Variants in CDH23 observed in about 807,000 individuals in gnomAD.
The protein encoded by CDH23 is cadherin related 23.
A neutral mutation model predicts 317.1 loss-of-function variants in CDH23; 189 were observed. That is an observed-to-expected ratio of 0.60 (90% CI 0.53 to 0.67). The LOEUF (loss-of-function observed/expected upper bound fraction) is 0.67. Among genes scored for constraint, CDH23 ranks in the 30% least tolerant of loss-of-function variants. The probability of loss-of-function intolerance (pLI) is 0.00; values close to 1 mark genes in which losing one functional copy is unlikely to be tolerated. For missense variants in CDH23, 4,401 were observed against 4,592.4 expected (o/e 0.96, Z 1.20); for synonymous variants, 1,839 against 1,876.8 (o/e 0.98, Z 0.52).
chr10:71,750,946 A>G (rs1466177915), intron 38 of CDH23: 2 of 330,632 alleles, frequency 6.0e-6, no homozygotes, highest in Non-Finnish European at 1.1e-5. Context: ...GAGCTGCTGA[A>G]GGGCTGGACG....
At chr10:71,653,292 C>T (rs1467762585) in intron 14 of CDH23, among the ~76,000 whole-genome samples, 1 of 152,154 alleles carries the variant, frequency 6.6e-6, no homozygotes, top group East Asian at 1.9e-4. Flanking sequence ...CCTGGGCTGG[C>T]CGTGTTGAAG....
Position 71,789,027 on chromosome 10 carries a change from G to A in CDH23, c.5908G>A (p.Glu1970Lys), listed in dbSNP as rs2132945762. The A allele has an allele frequency of 6.4e-7, 1 of 1,569,924 alleles. No homozygotes were observed. The highest frequency in any genetic ancestry group is 8.8e-7 in the Non-Finnish European group (1 of 1,139,848). ...TKSTYQAEVM[E>K]NSPAGTPLTV... ...AAGCACCTACCAGGCAGAGGTGATG[G>A]AAAACTCTCCCGCTGGTAGGTGCTG... The change falls in exon 45 of 70, where the codon GAA (glutamate) becomes AAA (lysine). Residue 1970 changes from glutamate to lysine, a missense_variant. This residue lies in a region of CDH23 where 3,068 missense variants were observed against 3,203.3 expected (regional missense o/e 0.96). Transcript: ENST00000224721.
At chr10:71,715,916 G>A in intron 28 of CDH23, 2 of 1,447,056 alleles carry the variant, frequency 1.4e-6, no homozygotes, top group Non-Finnish European at 1.8e-6. Flanking sequence ...GGATGTGGGG[G>A]CATGTTTGTG....
chr10:71,436,114 G>A (rs544236732), intron 1 of CDH23, among the ~76,000 whole-genome samples: 1 of 152,394 alleles, frequency 6.6e-6, no homozygotes, highest in East Asian at 1.9e-4. Flanking sequence ...ACCTCACCCT[G>A]TGGGGAGGAT....
intron 38 of CDH23, 65 bp from the exon 39 acceptor site, chr10:71,777,615 C>T: frequency 1.4e-6 from 2 of 1,418,276 alleles, no homozygotes; most frequent in Non-Finnish European, 1.9e-6. Flanking sequence ...AGGAGAACAG[C>T]CATCTGGATC....
intron 3 of CDH23, among the ~76,000 whole-genome samples, chr10:71,478,850 T>C (rs770197451): frequency 1.3e-5 from 2 of 152,264 alleles, no homozygotes; most frequent in Non-Finnish European, 2.9e-5. Flanking sequence ...AGCCCCTCCT[T>C]AACAAATGAC....
Position 71,806,255 on chromosome 10 carries a change from A to T in CDH23, c.8152A>T (p.Asn2718Tyr). The change falls in exon 57 of 70, where the codon AAC (asparagine) becomes TAC (tyrosine). Residue 2718 changes from asparagine to tyrosine, a missense_variant. Physicochemically the swap from Asn to Tyr is moderately radical, Grantham distance 143 (BLOSUM62 -2). Around this residue, in one of 3 missense-constraint regions of CDH23, gnomAD observed 1,144 missense variants for 1,138.2 expected, o/e 1.01. Transcript: ENST00000224721. Reference sequence around the variant, plus strand: ...GGTGGCCCTGGAGGACATCGATGACAACGAACCCCTTTTCGTGAGGCCTCC... The same window carrying T: ...GGTGGCCCTGGAGGACATCGATGACTACGAACCCCTTTTCGTGAGGCCTCC... ...LQVALEDIDD[N>Y]EPLFVRPPKG... The T allele has an allele frequency of 6.4e-7, 1 of 1,567,906 alleles. No individual in the cohort carries two copies. The highest frequency in any genetic ancestry group is 1.2e-5 in the South Asian group (1 of 85,184).
chr10:71,552,239 G>A (rs1257882441), intron 6 of CDH23, among the ~76,000 whole-genome samples: 1 of 152,226 alleles, frequency 6.6e-6, no homozygotes, highest in African/African-American at 2.4e-5. Context: ...GAACAAGACA[G>A]GTGTCTGGGT....
At chr10:71,553,551 C>T (rs957514645) in intron 6 of CDH23, among the ~76,000 whole-genome samples, 1 of 152,208 alleles carries the variant, frequency 6.6e-6, no homozygotes, top group African/African-American at 2.4e-5. Flanking sequence ...TCAGAATGTA[C>T]ACTCACCCAG....
At chr10:71,812,443 T>TCCCAA in intron 66 of CDH23, 37 bp from the exon 67 acceptor site, 1 of 1,538,034 alleles carries the variant, frequency 6.5e-7, no homozygotes, top group Non-Finnish European at 8.9e-7. Context: ...ACTCGAGCCT[T>TCCCAA]CCCTCCCTCC....
At chr10:71,804,987 T>C (rs1420345024) in intron 55 of CDH23, among the ~76,000 whole-genome samples, 3 of 152,230 alleles carry the variant, frequency 2.0e-5, no homozygotes, top group Non-Finnish European at 2.9e-5. Context: ...AATCAGCATG[T>C]ATTAATTATC....
intron 14 of CDH23, among the ~76,000 whole-genome samples, chr10:71,667,780 A>G (rs1665636): frequency 0.97 from 147,511 of 152,216 alleles, 71,559 homozygotes; most frequent in East Asian, 1. Flanking sequence ...GAGGGCCTGA[A>G]CACTGTTGGA....
At position 71,762,772 on chromosome 10, in the gene CDH23, G is replaced by C. The variant is rs183778586; in HGVS notation, c.4846-14908G>C. ...GATAGTGTGAAAATGGGAAAACCCA[G>C]TGTCTGAGGGACCGGGACAGAGAGT... On this transcript the variant is annotated intron_variant, in intron 38 of 69. Coordinates refer to ENST00000224721, the MANE Select transcript of CDH23 (RefSeq NM_022124.6). 5.3e-5 allele frequency among the ~76,000 whole-genome samples: 8 copies of C among 152,360 alleles called. No homozygotes were observed. In the East Asian group the frequency reaches 1.5e-3, roughly 29 times the overall value.
intron 9 of CDH23, among the ~76,000 whole-genome samples, chr10:71,589,423 C>A (rs868632855): frequency 5.9e-5 from 9 of 152,068 alleles, no homozygotes; most frequent in Non-Finnish European, 1.2e-4. Context: ...CAGCCTAAAG[C>A]AATTTTTTTA....
chr10:71,663,317 C>G (rs1251444362), intron 14 of CDH23, among the ~76,000 whole-genome samples: 1 of 152,170 alleles, frequency 6.6e-6, no homozygotes, highest in African/African-American at 2.4e-5. Flanking sequence ...CTCCGTGCCC[C>G]GACCCGTCTC....
intron 34 of CDH23, 93 bp from the exon 35 acceptor site, chr10:71,738,405 G>A: frequency 6.8e-7 from 1 of 1,460,236 alleles, no homozygotes. Flanking sequence ...ACCCACTGGG[G>A]ATCTGGTCCC....
intron 3 of CDH23, among the ~76,000 whole-genome samples, chr10:71,466,359 T>G: frequency 6.6e-6 from 1 of 152,186 alleles, no homozygotes; most frequent in East Asian, 1.9e-4. Flanking sequence ...AGCTCATGTG[T>G]GTGTGCTCAT....
intron 6 of CDH23, among the ~76,000 whole-genome samples, chr10:71,533,525 C>CCCCCCA (rs1249775933): frequency 7.6e-6 from 1 of 130,752 alleles, no homozygotes; most frequent in African/African-American, 3.0e-5. Flanking sequence ...TGGCTGGACA[C>CCCCCCA]CACACACACA....
chr10:71,807,955 C>T lies in CDH23; in HGVS notation c.8670C>T (p.Tyr2890=). ...TCTACAGCATTCTGGCCATCCACTA[C>T]TTCCGGGCCCTTGCCAACGACTCTG... ...LVFYSILAIH[Y]FRALANDSED... is the part of the protein sequence containing the mutation. The change falls in exon 60 of 70, where the codon TAC becomes TAT. Residue 2890 remains tyrosine, a synonymous_variant. Coordinates refer to ENST00000224721, the MANE Select transcript of CDH23 (RefSeq NM_022124.6). 2 of 1,600,520 alleles carry T rather than the reference C, an allele frequency of 1.2e-6. No individual in the cohort carries two copies. The highest frequency in any genetic ancestry group is 2.3e-5 in the East Asian group (1 of 44,320).
Sources: gnomAD v4.1 joint callset for allele counts (sites outside exome capture counted in the v4.1 genomes callset) on GRCh38, gnomAD v4.1.1 for gene constraint, gnomAD v4.1.1 regional missense constraint, MANE v1.5 for transcripts, NCBI Gene and HGNC (gene_info 2026-07-23, HGNC 2026-07-21) for gene names.